Variants in OSBPL10 observed in about 807,000 individuals in gnomAD.
OSBPL10 encodes the protein oxysterol binding protein like 10, also known as oxysterol-binding protein-related protein 10.
OSBPL10 carries 49 observed loss-of-function variants against 81.7 expected under a neutral mutation model. The observed-to-expected ratio is 0.60, with a 90% CI of 0.48 to 0.76. The LOEUF (loss-of-function observed/expected upper bound fraction) is 0.76. Ranked by LOEUF, OSBPL10 falls within the 30% of genes least tolerant of loss-of-function variation. OSBPL10 has a pLI of 0.00. For synonymous variants in OSBPL10, 419 were observed against 383.6 expected (o/e 1.09, Z -1.08); for missense variants, 923 against 987.8 (o/e 0.93, Z 0.88).
chr3:31,878,069 CTT>C (rs566565402), intron 2 of OSBPL10, among the ~76,000 whole-genome samples: 1 of 151,962 alleles, frequency 6.6e-6, no homozygotes, highest in Non-Finnish European at 1.5e-5. Flanking sequence ...TTTATCCTGA[CTT>C]TTTTTTATAG....
intron 6 of OSBPL10, among the ~76,000 whole-genome samples, chr3:31,731,348 G>C (rs17028155): frequency 0.023 from 3,530 of 152,136 alleles, 112 homozygotes; most frequent in African/African-American, 0.081. Flanking sequence ...ATCTTAACTT[G>C]CTCTGACAAA....
chr3:31,858,763 G>GAGT lies in OSBPL10; in HGVS notation c.537+17667_537+17669dup, dbSNP rs146991362. ...CAATGTGAACAAGGCCAGCCTGGCTGAGTCTGGATTATACTGGAGCTTTCT... is the reference window on the plus strand; with the variant it reads ...CAATGTGAACAAGGCCAGCCTGGCTGAGTAGTCTGGATTATACTGGAGCTTTCT... On this transcript the variant is annotated intron_variant, in intron 3 of 11. Coordinates refer to ENST00000396556, the MANE Select transcript of OSBPL10 (RefSeq NM_017784.5). Among the ~76,000 whole-genome samples, 162 of 152,320 alleles carry GAGT rather than the reference G, an allele frequency of 1.1e-3. 2 individuals are homozygous for GAGT. The East Asian group carries it at 0.023, about 22-fold the overall frequency.
chr3:31,835,925 C>G (rs995255196), intron 3 of OSBPL10, among the ~76,000 whole-genome samples: 2 of 152,208 alleles, frequency 1.3e-5, no homozygotes, highest in African/African-American at 4.8e-5. Context: ...TAGTCAACCT[C>G]CGAATAAAAT....
intron 2 of OSBPL10, among the ~76,000 whole-genome samples, chr3:32,005,789 G>A (rs967983987): frequency 5.9e-5 from 9 of 151,850 alleles, no homozygotes; most frequent in South Asian, 4.2e-4. Context: ...GGGTTTCACC[G>A]TGTTAGCCGC....
intron 2 of OSBPL10, among the ~76,000 whole-genome samples, chr3:31,878,068 A>C (rs1559502182): frequency 1.3e-5 from 2 of 152,148 alleles, no homozygotes; most frequent in Admixed American, 6.5e-5. Context: ...ATTTATCCTG[A>C]CTTTTTTTTA....
chr3:31,988,931 C>A, intron 2 of OSBPL10: 1 of 1,055,388 alleles, frequency 9.5e-7, no homozygotes, highest in Non-Finnish European at 1.4e-6. Flanking sequence ...AACCCCGACC[C>A]ACAGCGACTG....
chr3:31,698,176 A>T, intron 7 of OSBPL10, among the ~76,000 whole-genome samples: 1 of 150,906 alleles, frequency 6.6e-6, no homozygotes, highest in Non-Finnish European at 1.5e-5. Flanking sequence ...CTAAGCAGGT[A>T]TGGTGGCTCA....
At chr3:32,076,135 C>T (rs1033513304) in intron 1 of OSBPL10, among the ~76,000 whole-genome samples, 3 of 152,104 alleles carry the variant, frequency 2.0e-5, no homozygotes, top group African/African-American at 7.2e-5. Context: ...TTTGGGAGAC[C>T]GAGGTGGGTG....
intron 4 of OSBPL10, among the ~76,000 whole-genome samples, chr3:31,762,780 T>C (rs1698089844): frequency 6.6e-6 from 1 of 151,764 alleles, no homozygotes; most frequent in South Asian, 2.1e-4. Context: ...CTGATTACCA[T>C]TATTCTCATT....
intron 2 of OSBPL10, among the ~76,000 whole-genome samples, chr3:32,041,805 G>T (rs983244201): frequency 2.0e-5 from 3 of 152,106 alleles, no homozygotes; most frequent in Non-Finnish European, 4.4e-5. Context: ...TTTCAGGCAT[G>T]TGCCACCACA....
intron 1 of OSBPL10, among the ~76,000 whole-genome samples, chr3:31,959,756 T>A (rs1698108428): frequency 6.6e-6 from 1 of 152,192 alleles, no homozygotes; most frequent in Admixed American, 6.5e-5. Context: ...GAATTAAATG[T>A]CATCTATTTG....
At chr3:31,683,328 A>G (rs1700702329) in intron 8 of OSBPL10, among the ~76,000 whole-genome samples, 1 of 152,216 alleles carries the variant, frequency 6.6e-6, no homozygotes, top group Non-Finnish European at 1.5e-5. Context: ...TATTCATGCA[A>G]AGCTGAAAGA....
At chr3:31,851,801 T>C (rs1700773880) in intron 3 of OSBPL10, among the ~76,000 whole-genome samples, 2 of 152,090 alleles carry the variant, frequency 1.3e-5, no homozygotes. Context: ...CGTGACTGAG[T>C]CCGGTGATCC....
rs543451795 is a variant in OSBPL10 at position 31,810,118 on chromosome 3, A to G, written c.729+19922T>C. Reference sequence around the variant, plus strand: ...ACTCCTGACCTTAGGTGATCCACCCACCTCAGCCTCCCAAAGTGCTGGGAT... The same window carrying G: ...ACTCCTGACCTTAGGTGATCCACCCGCCTCAGCCTCCCAAAGTGCTGGGAT... On this transcript the variant is annotated intron_variant, in intron 4 of 11. Coordinates refer to ENST00000396556, the MANE Select transcript of OSBPL10 (RefSeq NM_017784.5). 5.9e-5 allele frequency among the ~76,000 whole-genome samples: 9 copies of G among 152,040 alleles called. No homozygotes were observed. The East Asian group carries it at 1.5e-3, about 26-fold the overall frequency.
chr3:31,776,818 A>G (rs1385298588), intron 4 of OSBPL10, among the ~76,000 whole-genome samples: 1 of 152,134 alleles, frequency 6.6e-6, no homozygotes, highest in Non-Finnish European at 1.5e-5. Flanking sequence ...CTACACAGGT[A>G]TGGAGTATTT....
chr3:32,007,624 C>A (rs1306070769), intron 2 of OSBPL10, among the ~76,000 whole-genome samples: 1 of 152,168 alleles, frequency 6.6e-6, no homozygotes, highest in Non-Finnish European at 1.5e-5. Flanking sequence ...CTCTGCCTCT[C>A]TCTTATACGG....
At chr3:31,940,636 C>T (rs185271253) in intron 1 of OSBPL10, among the ~76,000 whole-genome samples, 26 of 152,202 alleles carry the variant, frequency 1.7e-4, no homozygotes, top group Non-Finnish European at 2.2e-4. Context: ...CACAGGCTAC[C>T]CTGCTCTCAT....
intron 9 of OSBPL10, among the ~76,000 whole-genome samples, chr3:31,669,638 C>T (rs576560432): frequency 6.6e-6 from 1 of 152,314 alleles, no homozygotes; most frequent in African/African-American, 2.4e-5. Flanking sequence ...GATTTGCGAC[C>T]TCTCTTTCAC....
At chr3:31,824,128 G>A (rs1469626867) in intron 4 of OSBPL10, among the ~76,000 whole-genome samples, 1 of 152,074 alleles carries the variant, frequency 6.6e-6, no homozygotes, top group East Asian at 1.9e-4. Context: ...CCAAAGTGAT[G>A]GAATTATAGG....
Sources: allele counts gnomAD v4.1 joint callset (sites outside exome capture counted in the v4.1 genomes callset), GRCh38; gene constraint gnomAD v4.1.1; transcripts MANE v1.5; gene names NCBI Gene and HGNC (gene_info 2026-07-23, HGNC 2026-07-21).